TSPAN7: variants seen among roughly 807,000 people sequenced by gnomAD.
TSPAN7 encodes tetraspanin 7.
TSPAN7 carries 1 observed loss-of-function variant against 17.6 expected under a neutral mutation model. The observed-to-expected ratio is 0.06, with a 90% CI of 0.02 to 0.27. The LOEUF (loss-of-function observed/expected upper bound fraction) is 0.27, where lower values mean the gene tolerates loss of function less well. Ranked by LOEUF, TSPAN7 falls within the 10% of genes least tolerant of loss-of-function variation. The pLI is 1.00. For missense variants in TSPAN7, 112 were observed against 201.7 expected (o/e 0.56, Z 2.69); for synonymous variants, 78 against 79.0 (o/e 0.99, Z 0.07).
intron 5 of TSPAN7, among the ~76,000 whole-genome samples, chrX:38,680,085 A>C (rs1015424243): frequency 1.8e-5 from 2 of 111,631 alleles, no homozygotes; most frequent in Admixed American, 1.9e-4. Context: ...ACACAAGTTT[A>C]CCTATATAAC....
At chrX:38,654,975 T>G (rs947805988) in intron 1 of TSPAN7, among the ~76,000 whole-genome samples, 6 of 111,733 alleles carry the variant, frequency 5.4e-5, no homozygotes, top group African/African-American at 2.0e-4. Context: ...GTGAAATCTC[T>G]GAGGCAAGAG....
At chrX:38,600,948 A>G (rs1482895901) in intron 1 of TSPAN7, among the ~76,000 whole-genome samples, 3 of 111,730 alleles carry the variant, frequency 2.7e-5, no homozygotes, top group Non-Finnish European at 5.7e-5. Flanking sequence ...CTGTGACCTC[A>G]TGAACACCAT....
At chrX:38,611,661 T>G (rs2069419121) in intron 1 of TSPAN7, among the ~76,000 whole-genome samples, 1 of 112,014 alleles carries the variant, frequency 8.9e-6, no homozygotes. Context: ...TCCACTGCTG[T>G]TATGGGGAAC....
Position 38,603,832 on chromosome X carries a change from G to GT in TSPAN7, c.81+42210dup, listed in dbSNP as rs766648876. On this transcript the variant is annotated intron_variant, in intron 1 of 7. Coordinates refer to ENST00000378482, the MANE Select transcript of TSPAN7 (RefSeq NM_004615.4). ...TTAATATTTTATTTATTTTTTTGTT[G>GT]TTTTTCTTTTGTATTTTTATTTATT... Among the ~76,000 whole-genome samples, 3 of 107,468 alleles carry GT rather than the reference G, an allele frequency of 2.8e-5. No homozygotes were observed. In the South Asian group the frequency reaches 1.2e-3, roughly 42 times the overall value. The allele number at this position is 107,468 out of a possible 115,157, so 93.3% of individuals were successfully genotyped here.
rs755111614 is a variant in TSPAN7 at position 38,587,968 on chromosome X, A to G, written c.81+26341A>G. ...TTGGTAAGTAGTAGCAGTTGTCTGCAGTAAAGTGGATGGAAACCCTTGATT... is the reference window on the plus strand; with the variant it reads ...TTGGTAAGTAGTAGCAGTTGTCTGCGGTAAAGTGGATGGAAACCCTTGATT... On this transcript the variant is annotated intron_variant, in intron 1 of 7. Transcript: ENST00000378482. Among the ~76,000 whole-genome samples the G allele has an allele frequency of 1.5e-3, 166 of 112,057 alleles. 1 individual carries two copies. Among genetic ancestry groups the G allele is most frequent in the Middle Eastern group, 4.6e-3 (1 of 218 alleles).
At chrX:38,577,120 G>T (rs2069198263) in intron 1 of TSPAN7, among the ~76,000 whole-genome samples, 1 of 111,792 alleles carries the variant, frequency 8.9e-6, no homozygotes, top group South Asian at 3.8e-4. Context: ...AGTATTCTGT[G>T]CTTAAAGAGC....
chrX:38,663,498 T>C (rs1569314028), intron 1 of TSPAN7, among the ~76,000 whole-genome samples: 1 of 111,963 alleles, frequency 8.9e-6, no homozygotes, highest in African/African-American at 3.2e-5. Context: ...AAATCACCGC[T>C]AAAGAATTTA....
At chrX:38,605,262 G>A (rs1297064057) in intron 1 of TSPAN7, among the ~76,000 whole-genome samples, 46 of 108,644 alleles carry the variant, frequency 4.2e-4, no homozygotes, top group Admixed American at 1.1e-3. Context: ...CTTATACACC[G>A]ATAACAGACA....
rs1337725864 is a variant in TSPAN7, at chrX:38,666,195, C to T, written c.156C>T (p.Ala52=). Residue 52 remains alanine, a synonymous_variant, in exon 2 of 8, where the codon GCC becomes GCT. Coordinates refer to ENST00000378482, the MANE Select transcript of TSPAN7 (RefSeq NM_004615.4). ...TGGGCACCTATATCTCCCTTATTGC[C>T]GAGAACTCCACAAATGCTCCCTATG... ...LTLGTYISLI[A]ENSTNAPYVL... is the part of the protein sequence containing the mutation. The T allele has an allele frequency of 6.6e-6, 8 of 1,211,116 alleles. 1 individual carries two copies. In the South Asian group the frequency reaches 1.2e-4, roughly 19 times the overall value.
intron 1 of TSPAN7, among the ~76,000 whole-genome samples, chrX:38,629,112 C>T (rs1421162470): frequency 8.9e-6 from 1 of 112,343 alleles, no homozygotes; most frequent in African/African-American, 3.2e-5. Context: ...AAGTAATATG[C>T]ATGAAATGTT....
chrX:38,618,476 G>A (rs1422151952), intron 1 of TSPAN7, among the ~76,000 whole-genome samples: 2 of 111,850 alleles, frequency 1.8e-5, no homozygotes, highest in East Asian at 5.6e-4. Context: ...GGAAGTTACT[G>A]TCAAGTCAGG....
At chrX:38,654,421 A>C (rs1228404811) in intron 1 of TSPAN7, among the ~76,000 whole-genome samples, 1 of 112,399 alleles carries the variant, frequency 8.9e-6, no homozygotes, top group African/African-American at 3.2e-5. Flanking sequence ...AGAAGGAACT[A>C]TTCCCATGCT....
At chrX:38,622,373 C>A (rs751018945) in intron 1 of TSPAN7, among the ~76,000 whole-genome samples, 75 of 111,447 alleles carry the variant, frequency 6.7e-4, no homozygotes, top group African/African-American at 2.3e-3. Context: ...TAGTGAGACC[C>A]CCATCTCTAT....
chrX:38,592,147 C>T (rs1226608374), intron 1 of TSPAN7, among the ~76,000 whole-genome samples: 1 of 111,355 alleles, frequency 9.0e-6, no homozygotes, highest in Non-Finnish European at 1.9e-5. Context: ...GGGGGAAATC[C>T]GCCTTATGAT....
At chrX:38,638,303 G>C (rs756505814) in intron 1 of TSPAN7, among the ~76,000 whole-genome samples, 1 of 112,135 alleles carries the variant, frequency 8.9e-6, no homozygotes, top group Non-Finnish European at 1.9e-5. Context: ...GGCCCCCTAT[G>C]GTACAATCTG....
intron 2 of TSPAN7, 132 bp downstream of exon 2, chrX:38,666,441 A>T: frequency 1.4e-6 from 1 of 701,019 alleles, no homozygotes; most frequent in Non-Finnish European, 2.2e-6. Context: ...CTCTTTCCTA[A>T]TCCATCCTTT....
chrX:38,628,336 G>GT lies in TSPAN7; in HGVS notation c.82-37776dup, dbSNP rs199824725. Among the ~76,000 whole-genome samples, 267 of 109,083 alleles carry GT rather than the reference G, an allele frequency of 2.4e-3. 2 individuals are homozygous for GT. The highest frequency in any genetic ancestry group is 8.2e-3 in the African/African-American group (245 of 30,027). The allele number at this position is 109,083 out of a possible 115,157, so 94.7% of individuals were successfully genotyped here. A position where few individuals can be genotyped will look rare whatever the true frequency, so the allele number is the denominator to read the frequency against. On this transcript the variant is annotated intron_variant, in intron 1 of 7. Coordinates refer to ENST00000378482, the MANE Select transcript of TSPAN7 (RefSeq NM_004615.4). ...GCTTTGGAAAGACTTTGGCAAATATGTTTTTTTTTGTTTTTGTTTTTGTTT... is the reference window on the plus strand; with the variant it reads ...GCTTTGGAAAGACTTTGGCAAATATGTTTTTTTTTTGTTTTTGTTTTTGTTT...
intron 6 of TSPAN7, among the ~76,000 whole-genome samples, chrX:38,682,760 A>AT (rs1414304048): frequency 4.5e-5 from 5 of 112,315 alleles, no homozygotes; most frequent in Non-Finnish European, 9.4e-5. Flanking sequence ...CTCCAGAGAC[A>AT]TTTGAAAAGT....
At chrX:38,596,745 G>C (rs1373380596) in intron 1 of TSPAN7, among the ~76,000 whole-genome samples, 1 of 111,559 alleles carries the variant, frequency 9.0e-6, no homozygotes, top group Non-Finnish European at 1.9e-5. Context: ...AGTTTGAGAA[G>C]CACTACCACA....
Sources: allele counts gnomAD v4.1 joint callset (sites outside exome capture counted in the v4.1 genomes callset), GRCh38; gene constraint gnomAD v4.1.1; transcripts MANE v1.5; gene names NCBI Gene and HGNC (gene_info 2026-07-23, HGNC 2026-07-21).